Variants in IQSEC1 observed in about 807,000 individuals in gnomAD.
IQSEC1 encodes the protein IQ motif and Sec7 domain ArfGEF 1.
IQSEC1 carries 31 observed loss-of-function variants against 91.0 expected under a neutral mutation model. That is an observed-to-expected ratio of 0.34 (90% CI 0.26 to 0.46). The LOEUF is 0.46. IQSEC1 is among the 20% of genes least tolerant of loss of function. The pLI is 1.00. For synonymous variants in IQSEC1, 699 were observed against 662.6 expected (o/e 1.05, Z -0.84); for missense variants, 1,388 against 1,575.6 (o/e 0.88, Z 2.02).
At chr3:13,261,684 T>G (rs1449194474) in intron 1 of IQSEC1, among the ~76,000 whole-genome samples, 1 of 151,866 alleles carries the variant, frequency 6.6e-6, no homozygotes. Flanking sequence ...GGATGCATGG[T>G]CCCTGAGAGC....
chr3:13,155,952 C>T (rs1303942314), intron 2 of IQSEC1, among the ~76,000 whole-genome samples: 1 of 152,084 alleles, frequency 6.6e-6, no homozygotes, highest in Non-Finnish European at 1.5e-5. Flanking sequence ...TGTGTGGTGG[C>T]TCATGCCTGT....
intron 2 of IQSEC1, among the ~76,000 whole-genome samples, chr3:13,144,642 G>T (rs1398231368): frequency 2.0e-5 from 3 of 152,164 alleles, no homozygotes; most frequent in African/African-American, 7.2e-5. Flanking sequence ...AAAGCCCACC[G>T]CGTCCCTTCC....
upstream of IQSEC1, among the ~76,000 whole-genome samples, chr3:13,073,545 A>C (rs1029073979): frequency 2.0e-5 from 3 of 151,566 alleles, no homozygotes; most frequent in South Asian, 2.1e-4. Flanking sequence ...CAGCAGCATC[A>C]GGCGCGGCCG....
At chr3:13,033,864 C>T (rs549613897) in intron 1 of IQSEC1, among the ~76,000 whole-genome samples, 34 of 152,262 alleles carry the variant, frequency 2.2e-4, no homozygotes, top group Non-Finnish European at 4.0e-4. Context: ...TCATTTCATC[C>T]AGAAACACCC....
intron 1 of IQSEC1, among the ~76,000 whole-genome samples, chr3:13,025,215 C>G (rs538997830): frequency 8.5e-4 from 130 of 152,366 alleles, no homozygotes; most frequent in African/African-American, 3.0e-3. Flanking sequence ...TGCGTGGAAG[C>G]CTTCACCCCC....
At chr3:12,905,946 G>C (rs1050431852) in intron 12 of IQSEC1, among the ~76,000 whole-genome samples, 4 of 152,198 alleles carry the variant, frequency 2.6e-5, no homozygotes, top group Non-Finnish European at 5.9e-5. Flanking sequence ...ATGAGCACCG[G>C]GTGGGGAGTC....
At chr3:12,929,675 C>T (rs781107769) in intron 3 of IQSEC1, among the ~76,000 whole-genome samples, 13 of 152,192 alleles carry the variant, frequency 8.5e-5, no homozygotes, top group Non-Finnish European at 1.5e-4. Context: ...CCCACAGTCC[C>T]TTTGTGTATA....
At chr3:13,042,883 G>A (rs948596585) in intron 1 of IQSEC1, among the ~76,000 whole-genome samples, 14 of 152,172 alleles carry the variant, frequency 9.2e-5, no homozygotes, top group African/African-American at 3.4e-4. Context: ...GTAGGGAGGG[G>A]GCCAGATGAC....
chr3:12,901,889 C>A (rs920146781), intron 13 of IQSEC1, among the ~76,000 whole-genome samples: 1 of 152,096 alleles, frequency 6.6e-6, no homozygotes, highest in African/African-American at 2.4e-5. Flanking sequence ...CTGTGTGTGG[C>A]GAGTGCAGAG....
intron 1 of IQSEC1, among the ~76,000 whole-genome samples, chr3:13,175,605 G>A (rs915497765): frequency 2.6e-5 from 4 of 152,244 alleles, no homozygotes; most frequent in African/African-American, 9.6e-5. Context: ...TTAATGATTT[G>A]CTTCTTGTCT....
chr3:13,258,286 C>T (rs575432808), intron 1 of IQSEC1, among the ~76,000 whole-genome samples: 10 of 152,354 alleles, frequency 6.6e-5, no homozygotes, highest in African/African-American at 2.4e-4. Context: ...AGCATGGGAA[C>T]TCACTGTACT....
At chr3:13,036,527 G>A (rs889021652) in intron 1 of IQSEC1, among the ~76,000 whole-genome samples, 2 of 152,122 alleles carry the variant, frequency 1.3e-5, no homozygotes, top group African/African-American at 4.8e-5. Flanking sequence ...CTTCAGAACT[G>A]CACTGTCCCC....
intron 1 of IQSEC1, among the ~76,000 whole-genome samples, chr3:12,966,521 A>AT (rs1559682079): frequency 6.6e-6 from 1 of 152,066 alleles, no homozygotes; most frequent in African/African-American, 2.4e-5. Context: ...GGAAATCAAT[A>AT]TTCCCAGCAC....
intron 1 of IQSEC1, among the ~76,000 whole-genome samples, chr3:13,174,784 A>G (rs577756511): frequency 1.6e-4 from 25 of 152,020 alleles, no homozygotes; most frequent in African/African-American, 5.3e-4. Context: ...CCTCGCTGGC[A>G]CGTCAAGCCA....
rs138847838 is a variant in IQSEC1 at position 13,257,602 on chromosome 3, A to G, written c.272+25109T>C. ...TCCTCGTTTGAGCTCACTTGAGACC[A>G]CTCAGTTTGGGTAGGGCTCCGCACC... On this transcript the variant is annotated intron_variant, in intron 1 of 15. Coordinates refer to the IQSEC1 transcript ENST00000648114. Among the ~76,000 whole-genome samples, 976 of 152,166 alleles carry G rather than the reference A, an allele frequency of 6.4e-3. 14 individuals are homozygous for G. The highest frequency in any genetic ancestry group is 0.022 in the African/African-American group (918 of 41,520).
intron 1 of IQSEC1, among the ~76,000 whole-genome samples, chr3:13,192,947 T>G (rs1311191442): frequency 2.0e-4 from 31 of 152,054 alleles, no homozygotes; most frequent in Non-Finnish European, 4.4e-4. Flanking sequence ...AGAACCAGAG[T>G]GAGGCCTCAC....
intron 1 of IQSEC1, among the ~76,000 whole-genome samples, chr3:12,946,247 G>A (rs918387325): frequency 9.2e-5 from 14 of 152,210 alleles, no homozygotes; most frequent in African/African-American, 3.1e-4. Flanking sequence ...CACTGTAGCT[G>A]CCTTGGGGAT....
At chr3:13,086,670 C>T (rs1342991606) in intron 2 of IQSEC1, among the ~76,000 whole-genome samples, 2 of 152,204 alleles carry the variant, frequency 1.3e-5, no homozygotes, top group African/African-American at 4.8e-5. Context: ...GAGCCTCGTT[C>T]CTGCCTCAGG....
chr3:13,023,222 C>G (rs1193266250), intron 1 of IQSEC1, among the ~76,000 whole-genome samples: 2 of 152,238 alleles, frequency 1.3e-5, no homozygotes, highest in Admixed American at 6.5e-5. Context: ...AGGGCTGGAG[C>G]CTCTGAGCAG....
Sources: gnomAD v4.1 joint callset for allele counts (sites outside exome capture counted in the v4.1 genomes callset) on GRCh38, gnomAD v4.1.1 for gene constraint, MANE v1.5 for transcripts, NCBI Gene and HGNC (gene_info 2026-07-23, HGNC 2026-07-21) for gene names.